Variants in HGF observed in about 807,000 individuals in gnomAD.
HGF encodes fibroblast-derived tumor cytotoxic factor.
HGF carries 39 observed loss-of-function variants against 111.6 expected under a neutral mutation model. That is an observed-to-expected ratio of 0.35 (90% CI 0.27 to 0.46). HGF has a LOEUF of 0.46. Among genes scored for constraint, HGF ranks in the 20% least tolerant of loss-of-function variants. The probability of loss-of-function intolerance (pLI) is 1.00; values close to 1 mark genes in which losing one functional copy is unlikely to be tolerated. For synonymous variants in HGF, 285 were observed against 294.8 expected, an observed-to-expected ratio of 0.97 and a Z score of 0.34; for missense variants, 735 against 910.5, an observed-to-expected ratio of 0.81 and a Z score of 2.48.
Position 81,702,684 on chromosome 7 carries a change from C to T in HGF, c.2084G>A (p.Arg695His), listed in dbSNP as rs543827901. 1.5e-5 allele frequency: 24 copies of T among 1,611,556 alleles called. No individual in the cohort carries two copies. The highest frequency in any genetic ancestry group is 1.0e-4 in the Admixed American group (6 of 59,748). Residue 695 changes from arginine to histidine, a missense_variant, in exon 18 of 18, where the codon CGT becomes CAT. By Grantham distance (29) the Arg-to-His change is conservative. Transcript: ENST00000222390. ...RMVLGVIVPG[R>H]GCAIPNRPGI... is the part of the protein sequence containing the mutation. ...AGGACGATTTGGAATGGCACATCCA[C>T]GACCAGGAACAATGACACCAAGAAC...
At chr7:81,707,997 G>A (rs1789472105) in intron 13 of HGF, among the ~76,000 whole-genome samples, 1 of 152,122 alleles carries the variant, frequency 6.6e-6, no homozygotes, top group South Asian at 2.1e-4. Flanking sequence ...AATATTTGCA[G>A]AGTATGATGA....
intron 11 of HGF, 106 bp downstream of exon 11, chr7:81,717,123 TTCC>T: frequency 1.9e-6 from 2 of 1,044,178 alleles, no homozygotes; most frequent in South Asian, 2.6e-5. Flanking sequence ...TCTGGAGAGC[TTCC>T]TCATTTGGGA....
intron 7 of HGF, chr7:81,742,696 T>TA: frequency 2.2e-6 from 3 of 1,381,798 alleles, no homozygotes; most frequent in East Asian, 2.8e-5. Context: ...TAAAACACGT[T>TA]AAAAAATAGT....
rs1789553163 is a variant in HGF, at chr7:81,769,973, G to A, written c.-2C>T. On this transcript the variant is annotated 5_prime_UTR_variant, in exon 1 of 18. Transcript: ENST00000222390. ...TGGCAGGAGTTTGGTCACCCACATG[G>A]TGCTGCTGGACGGGCTGGCGGATCC... The A allele has an allele frequency of 6.4e-7, 1 of 1,553,642 alleles. No homozygotes were observed. The highest frequency in any genetic ancestry group is 8.7e-7 in the Non-Finnish European group (1 of 1,148,450).
chr7:81,742,921 A>T (rs1472711448), intron 7 of HGF: 5 of 1,613,334 alleles, frequency 3.1e-6, no homozygotes, highest in Non-Finnish European at 4.2e-6. Flanking sequence ...GAAGAAGTTC[A>T]CCATCAGTTG....
At chr7:81,706,212 T>C in intron 15 of HGF, 75 bp downstream of exon 15, 1 of 1,320,354 alleles carries the variant, frequency 7.6e-7, no homozygotes, top group South Asian at 1.2e-5. Context: ...GAGAACGAAC[T>C]GCCACACAGC....
At chr7:81,725,247 G>A (rs1444858772) in intron 9 of HGF, among the ~76,000 whole-genome samples, 1 of 152,116 alleles carries the variant, frequency 6.6e-6, no homozygotes, top group Non-Finnish European at 1.5e-5. Context: ...TAGCCCAATT[G>A]CCTCTCTAAT....
At position 81,705,423 on chromosome 7, in the gene HGF, A is replaced by G; in HGVS notation, c.1977T>C (p.Ala659=). 1 of 1,612,942 alleles carries G rather than the reference A, an allele frequency of 6.2e-7. No homozygotes were observed. The highest frequency in any genetic ancestry group is 1.1e-5 in the South Asian group (1 of 91,068). ...GTCCTGATCCAATCTTTTCAGCCCC[A>G]GCACATATTTCAGACTCATTCAGAG... ...KVTLNESEIC[A]GAEKIGSGPC... Residue 659 remains alanine (A), a synonymous_variant, in exon 17 of 18, where the codon GCT becomes GCC. Transcript: ENST00000222390.
At position 81,750,586 on chromosome 7, in the gene HGF, G is replaced by A. The variant is rs1321317807; in HGVS notation, c.625+1534C>T. Among the ~76,000 whole-genome samples, 6 of 152,230 alleles carry A rather than the reference G, an allele frequency of 3.9e-5. No individual in the cohort carries two copies. In the East Asian group the frequency reaches 1.2e-3, roughly 29 times the overall value. On this transcript the variant is annotated intron_variant, in intron 5 of 17. Transcript: ENST00000222390. ...TAGCACTTTTAATCTATGTCGCCTAGCAGTCCAGTCCTATGTTAAGTAAGT... is the reference window on the plus strand; with the variant it reads ...TAGCACTTTTAATCTATGTCGCCTAACAGTCCAGTCCTATGTTAAGTAAGT...
chr7:81,720,975 G>A lies in HGF; in HGVS notation c.1169-128C>T, dbSNP rs1293688507. 2.0e-5 allele frequency: 13 copies of A among 659,950 alleles called. No individual in the cohort carries two copies. In the Admixed American group the frequency reaches 2.5e-4, roughly 13 times the overall value. 40.9% of individuals were successfully genotyped at this position (659,950 alleles called of 1,614,324 possible). ...AAAGTACTTGAAAGGGCTGGGTGCG[G>A]TGGCTCACGCCTGTAATCCCAGCAC... On this transcript the variant is annotated intron_variant, in intron 9 of 17. Coordinates refer to ENST00000222390, the MANE Select transcript of HGF (RefSeq NM_000601.6).
At position 81,736,313 on chromosome 7, in the gene HGF, T is replaced by G. The variant is rs936194114; in HGVS notation, c.866-6534A>C. ...TGTGACTCATTCCTTTGTCTAGCAT[T>G]GTATATGCAACCCGCCCATTTAGTC... On this transcript the variant is annotated intron_variant, in intron 7 of 17. Transcript: ENST00000222390. Among the ~76,000 whole-genome samples, 10 of 152,118 alleles carry G rather than the reference T, an allele frequency of 6.6e-5. No homozygotes were observed. In the East Asian group the frequency reaches 1.9e-3, roughly 29 times the overall value.
At position 81,700,359 on chromosome 7, in the gene HGF, G is replaced by A. The variant is rs963034191; in HGVS notation, c.*2222C>T. 1 of 151,494 alleles carries A rather than the reference G, an allele frequency of 6.6e-6. No individual in the cohort carries two copies. The highest frequency in any genetic ancestry group is 2.4e-5 in the African/African-American group (1 of 41,360). The allele number at this position is 151,494 out of a possible 1,614,324, so 9.4% of individuals were successfully genotyped here. A position where few individuals can be genotyped will look rare whatever the true frequency, so the allele number is the denominator to read the frequency against. ...AGCCTCCCAAAGAGAGAATTACTTT[G>A]TACGGTTTGTTTGATGATTTATTGG... On this transcript the variant is annotated 3_prime_UTR_variant, in exon 18 of 18. Coordinates refer to ENST00000222390, the MANE Select transcript of HGF (RefSeq NM_000601.6).
At chr7:81,708,476 C>T (rs781394734) in intron 13 of HGF, among the ~76,000 whole-genome samples, 3 of 143,844 alleles carry the variant, frequency 2.1e-5, no homozygotes, top group East Asian at 2.2e-4. Context: ...CAAAGAATCA[C>T]CAATTAACTC....
rs751689885 is a variant in HGF, at chr7:81,706,331, T to C, written c.1713A>G (p.Val571=). 6.2e-7 allele frequency: 1 copy of C among 1,612,586 alleles called. No homozygotes were observed. The highest frequency in any genetic ancestry group is 1.7e-5 in the Admixed American group (1 of 59,856). ...CCAGATCTGATCCTTCAGGGCCATA[T>C]ACCAGCTGGGAAACATTGAGAACCT... ...CKQVLNVSQL[V]YGPEGSDLVL... Residue 571 remains valine, a synonymous_variant, in exon 15 of 18, where the codon GTA becomes GTG. Transcript: ENST00000222390.
chr7:81,755,912 G>A (rs529052841), intron 4 of HGF: 3 of 671,016 alleles, frequency 4.5e-6, no homozygotes, highest in Admixed American at 4.2e-5. Flanking sequence ...AAGATCATAG[G>A]TTTAATCCCA....
chr7:81,752,225 C>T lies in HGF; in HGVS notation c.520G>A (p.Glu174Lys), dbSNP rs1432825995. 1.2e-6 allele frequency: 2 copies of T among 1,613,470 alleles called. No individual in the cohort carries two copies. Among genetic ancestry groups the T allele is most frequent in the South Asian group, 1.1e-5 (1 of 91,064 alleles). ...PSSYRGKDLQ[E>K]NYCRNPRGEE... is the part of the protein sequence containing the mutation. ...CCTCGAGGATTTCGACAGTAGTTTT[C>T]CTGTAGGTCTTTACCCCGATAGCTC... is the stretch of plus-strand genomic sequence containing the variant. Residue 174 changes from glutamate to lysine, a missense_variant, in exon 5 of 18, where the codon GAA becomes AAA. Glu to Lys is a moderately conservative substitution (Grantham distance 56). This residue lies in a region of HGF where 553 missense variants were observed against 685.6 expected (regional missense o/e 0.81). Transcript: ENST00000222390.
At chr7:81,730,705 A>G (rs1419734424) in intron 7 of HGF, among the ~76,000 whole-genome samples, 1 of 152,146 alleles carries the variant, frequency 6.6e-6, no homozygotes, top group Non-Finnish European at 1.5e-5. Context: ...TGTTTAGTCA[A>G]TCAAAATGTA....
chr7:81,706,414 A>G lies in HGF; in HGVS notation c.1630T>C (p.Tyr544His), dbSNP rs1789428952. The change falls in exon 15 of 18, where the codon TAT (tyrosine) becomes CAT (histidine). Residue 544 changes from tyrosine to histidine, a missense_variant. This residue lies in a region of HGF where 553 missense variants were observed against 685.6 expected (regional missense o/e 0.81). Transcript: ENST00000222390. ...QCFPSRDLKD[Y>H]EAWLGIHDVH... The stretch of plus-strand genomic sequence containing the variant: ...TCATGAATTCCAAGCCAAGCTTCAT[A>G]ATCTTTCAAGTCTCTGTTTTGAAGG... 3.1e-6 allele frequency: 5 copies of G among 1,612,160 alleles called. No homozygotes were observed. The highest frequency in any genetic ancestry group is 4.2e-6 in the Non-Finnish European group (5 of 1,178,516).
chr7:81,726,755 GA>G (rs1350693308), intron 8 of HGF, among the ~76,000 whole-genome samples: 2 of 151,646 alleles, frequency 1.3e-5, no homozygotes, highest in African/African-American at 2.4e-5. Context: ...TTCCTAATAA[GA>G]AAAAAATCTA....
Sources: allele counts gnomAD v4.1 joint callset (sites outside exome capture counted in the v4.1 genomes callset), GRCh38; gene constraint gnomAD v4.1.1; regional missense constraint gnomAD v4.1.1; transcripts MANE v1.5; gene names NCBI Gene and HGNC (gene_info 2026-07-23, HGNC 2026-07-21).